ZC3H18: variants seen among roughly 807,000 people sequenced by gnomAD.
ZC3H18 encodes zinc finger CCCH domain-containing protein 18.
In ZC3H18, 8 loss-of-function variants were observed where a neutral mutation model predicts 106.1. The observed-to-expected ratio is 0.08, with a 90% CI of 0.04 to 0.14. The LOEUF (loss-of-function observed/expected upper bound fraction) is 0.14. Among genes scored for constraint, ZC3H18 ranks in the 10% least tolerant of loss-of-function variants. The pLI, the probability that ZC3H18 is intolerant of heterozygous loss-of-function variation, is 1.00. For missense variants in ZC3H18, 1,318 were observed against 1,278.4 expected (o/e 1.03, Z -0.47); for synonymous variants, 635 against 522.1 (o/e 1.22, Z -2.95).
intron 8 of ZC3H18, among the ~76,000 whole-genome samples, chr16:88,616,949 C>G (rs557151404): frequency 6.6e-6 from 1 of 152,278 alleles, no homozygotes; most frequent in African/African-American, 2.4e-5. Context: ...AGGCACTTCA[C>G]CACCCCAAGC....
In ZC3H18 at chr16:88,628,268, A is replaced by T. The variant is rs1906440827; in HGVS notation, c.2469+149A>T. ...AGCACAGCCTGGGTAACAAAGCGAGACTCCATCTTTCCGGCCTGGGCTGGG... is the reference window on the plus strand; with the variant it reads ...AGCACAGCCTGGGTAACAAAGCGAGTCTCCATCTTTCCGGCCTGGGCTGGG... On this transcript the variant is annotated intron_variant, in intron 15 of 17. Coordinates refer to ENST00000301011, the MANE Select transcript of ZC3H18 (RefSeq NM_144604.4). 44 of 947,018 alleles carry T rather than the reference A, an allele frequency of 4.6e-5. 2 individuals carry two copies. In the South Asian group the frequency reaches 7.2e-4, roughly 15 times the overall value. The allele number at this position is 947,018 out of a possible 1,614,324, so 58.7% of individuals were successfully genotyped here. A position where few individuals can be genotyped will look rare whatever the true frequency, so the allele number is the denominator to read the frequency against.
chr16:88,577,492 G>C lies in ZC3H18; in HGVS notation c.369G>C (p.Leu123=). The C allele has an allele frequency of 6.2e-7, 1 of 1,613,010 alleles. No homozygotes were observed. Residue 123 remains leucine, a synonymous_variant, in exon 2 of 18, where the codon CTG becomes CTC. Transcript: ENST00000301011. ...RDEASSVTRE[L]DEHELDYDEE... is the part of the protein sequence containing the mutation. ...AGGCCTCCTCAGTCACCAGGGAGCT[G>C]GATGAGCATGAGCTAGACTACGATG... is the stretch of plus-strand genomic sequence containing the variant.
chr16:88,587,639 C>T (rs1172291719), intron 3 of ZC3H18: 1 of 1,522,580 alleles, frequency 6.6e-7, no homozygotes, highest in Non-Finnish European at 8.8e-7. Flanking sequence ...TATTCACTCT[C>T]TTCAGTACCT....
intron 17 of ZC3H18, 133 bp downstream of exon 17, chr16:88,630,714 C>T (rs900852980): frequency 1.5e-5 from 9 of 608,096 alleles, no homozygotes; most frequent in Middle Eastern, 4.6e-4. Flanking sequence ...GCTGGTCTGA[C>T]GGGGTGAGGG....
chr16:88,598,627 C>T lies in ZC3H18; in HGVS notation c.845C>T (p.Pro282Leu), dbSNP rs753467398. 9.3e-6 allele frequency: 15 copies of T among 1,609,768 alleles called. No homozygotes were observed. The highest frequency in any genetic ancestry group is 1.2e-5 in the Non-Finnish European group (14 of 1,177,726). The change falls in exon 5 of 18, where the codon CCG (proline) becomes CTG (leucine). Residue 282 changes from proline to leucine, a missense_variant. Pro to Leu is a moderately conservative substitution (Grantham distance 98). Around this residue, in one of 6 missense-constraint regions of ZC3H18, gnomAD observed 78 missense variants for 67.3 expected, o/e 1.16. Coordinates refer to ENST00000301011, the MANE Select transcript of ZC3H18 (RefSeq NM_144604.4). ...PLMPANPWGG[P>L]VVDEILPPPP... The stretch of plus-strand genomic sequence containing the variant: ...CTTCTCGTTTTTCAATAGGGTGGGC[C>T]GGTAGTTGATGAAATTTTGCCTCCA...
At chr16:88,572,021 C>T (rs1400884991) in intron 1 of ZC3H18, among the ~76,000 whole-genome samples, 1 of 152,182 alleles carries the variant, frequency 6.6e-6, no homozygotes, top group Non-Finnish European at 1.5e-5. Flanking sequence ...ATGGGAAAAT[C>T]AGTCTTATTC....
At chr16:88,613,572 T>C (rs563968695) in intron 8 of ZC3H18, among the ~76,000 whole-genome samples, 4 of 152,242 alleles carry the variant, frequency 2.6e-5, no homozygotes, top group Non-Finnish European at 5.9e-5. Context: ...CGTTGCGATT[T>C]GTATTTCTCT....
At chr16:88,612,277 G>A (rs896897001) in intron 8 of ZC3H18, among the ~76,000 whole-genome samples, 6 of 152,074 alleles carry the variant, frequency 3.9e-5, no homozygotes, top group East Asian at 1.9e-4. Flanking sequence ...ATTAATGGAC[G>A]CTGCAACATA....
rs990421665 is a variant in ZC3H18 at position 88,627,847 on chromosome 16, A to T, written c.2269+65A>T. On this transcript the variant is annotated intron_variant, in intron 14 of 17. Transcript: ENST00000301011. The surrounding 1 kb of genome is among the most constrained non-coding windows in gnomAD (Gnocchi z 4.5). Reference sequence around the variant, plus strand: ...GGGGAGGAGGGCGGCATCAGCACAGACTTTGCCTGGCTGTTGGTGTGGCCA... The same window carrying T: ...GGGGAGGAGGGCGGCATCAGCACAGTCTTTGCCTGGCTGTTGGTGTGGCCA... 59 of 1,612,236 alleles carry T rather than the reference A, an allele frequency of 3.7e-5. 1 individual carries two copies. The African/African-American group carries it at 6.8e-4, about 19-fold the overall frequency.
chr16:88,599,137 G>A (rs1045333707), intron 5 of ZC3H18, among the ~76,000 whole-genome samples: 4 of 152,220 alleles, frequency 2.6e-5, no homozygotes, highest in African/African-American at 9.6e-5. Context: ...CCACACCCCA[G>A]CTGGCACTGC....
intron 8 of ZC3H18, among the ~76,000 whole-genome samples, chr16:88,621,788 G>A (rs1404115824): frequency 6.6e-6 from 1 of 152,112 alleles, no homozygotes; most frequent in Non-Finnish European, 1.5e-5. Context: ...ACCATACCTG[G>A]GCTTATTTCA....
At chr16:88,580,735 G>A (rs537874905) in intron 2 of ZC3H18, among the ~76,000 whole-genome samples, 9 of 152,276 alleles carry the variant, frequency 5.9e-5, no homozygotes, top group African/African-American at 1.7e-4. Context: ...CGCCGGGTCC[G>A]TGAGCAGTCA....
At chr16:88,607,983 C>T (rs529785814) in intron 6 of ZC3H18, among the ~76,000 whole-genome samples, 3 of 152,150 alleles carry the variant, frequency 2.0e-5, no homozygotes, top group Admixed American at 6.5e-5. Context: ...CGGTTTTCTC[C>T]ACTCTGCCTC....
chr16:88,622,918 G>A (rs971352127), intron 9 of ZC3H18: 10 of 419,200 alleles, frequency 2.4e-5, no homozygotes, highest in African/African-American at 6.1e-5. Context: ...ACACACACAC[G>A]GACCCACGTG....
rs71391393 is a variant in ZC3H18 at position 88,582,219 on chromosome 16, C to CTTTTTTTTTTTT, written c.604-4369_604-4358dup. 3.4e-3 allele frequency among the ~76,000 whole-genome samples: 262 copies of CTTTTTTTTTTTT among 77,176 alleles called. 12 individuals carry two copies. The highest frequency in any genetic ancestry group is 3.7e-3 in the African/African-American group (66 of 17,938). The allele number at this position is 77,176 out of a possible 152,430, so 50.6% of individuals were successfully genotyped here. A position where few individuals can be genotyped will look rare whatever the true frequency, so the allele number is the denominator to read the frequency against. ...TAAATCCACCTTTCCTTTTTCTTTT[C>CTTTTTTTTTTTT]TTTTTTTTTTTTTTTTTTTTTTTGA... is the stretch of plus-strand genomic sequence containing the variant. On this transcript the variant is annotated intron_variant, in intron 2 of 17. Transcript: ENST00000301011.
At chr16:88,617,635 C>G (rs1249811776) in intron 8 of ZC3H18, among the ~76,000 whole-genome samples, 1 of 152,200 alleles carries the variant, frequency 6.6e-6, no homozygotes, top group Non-Finnish European at 1.5e-5. Flanking sequence ...ACCTTTGCAG[C>G]TTTGGGTGCC....
rs554325546 is a variant in ZC3H18, at chr16:88,623,783, A to C, written c.1794-175A>C. 16 of 1,205,480 alleles carry C rather than the reference A, an allele frequency of 1.3e-5. No individual in the cohort carries two copies. In the African/African-American group the frequency reaches 1.5e-4, roughly 12 times the overall value. The allele number at this position is 1,205,480 out of a possible 1,614,324, so 74.7% of individuals were successfully genotyped here. A position where few individuals can be genotyped will look rare whatever the true frequency, so the allele number is the denominator to read the frequency against. ...TGACACCTTCCACGCTCTCTGGTCT[A>C]CTCTGGGCCTGTGTTTTTAGCAGAT... On this transcript the variant is annotated intron_variant, in intron 10 of 17. Coordinates refer to ENST00000301011, the MANE Select transcript of ZC3H18 (RefSeq NM_144604.4).
chr16:88,631,499 C>G lies in ZC3H18; in HGVS notation c.*200C>G. 2 of 733,680 alleles carry G rather than the reference C, an allele frequency of 2.7e-6. No homozygotes were observed. Among genetic ancestry groups the G allele is most frequent in the South Asian group, 3.1e-5 (2 of 63,720 alleles). 45.4% of individuals were successfully genotyped at this position (733,680 alleles called of 1,614,324 possible). A position where few individuals can be genotyped will look rare whatever the true frequency, so the allele number is the denominator to read the frequency against. On this transcript the variant is annotated 3_prime_UTR_variant, in exon 18 of 18. Coordinates refer to ENST00000301011, the MANE Select transcript of ZC3H18 (RefSeq NM_144604.4). ...AGCCTCCCTCCCCAGAGCAGAAGTC[C>G]CGCAGGACAGACAGACACAGACAGC... is the stretch of plus-strand genomic sequence containing the variant.
chr16:88,623,156 A>C, intron 9 of ZC3H18, 63 bp from the exon 10 acceptor site: 1 of 1,579,044 alleles, frequency 6.3e-7, no homozygotes, highest in Non-Finnish European at 8.6e-7. Context: ...TGTGTGCGTC[A>C]GGGCGTGTGG....
Sources: allele counts gnomAD v4.1 joint callset (sites outside exome capture counted in the v4.1 genomes callset), GRCh38; gene constraint gnomAD v4.1.1; regional missense constraint gnomAD v4.1.1; non-coding constraint Gnocchi (gnomAD v3.1); transcripts MANE v1.5; gene names NCBI Gene and HGNC (gene_info 2026-07-23, HGNC 2026-07-21).